Variants in JARID2 observed in about 807,000 individuals in gnomAD.
The protein encoded by JARID2 is jumonji and AT-rich interaction domain containing 2, also known as protein Jumonji.
A neutral mutation model predicts 125.6 loss-of-function variants in JARID2; 21 were observed. The ratio of observed to expected loss-of-function variants is 0.17; its 90% CI spans 0.12 to 0.24. The LOEUF (loss-of-function observed/expected upper bound fraction) is 0.24, where lower values mean the gene tolerates loss of function less well. JARID2 is among the 10% of genes least tolerant of loss of function. The pLI, the probability that JARID2 is intolerant of heterozygous loss-of-function variation, is 1.00. For synonymous variants in JARID2, 736 were observed against 661.6 expected, an observed-to-expected ratio of 1.11 and a Z score of -1.73; for missense variants, 1,303 against 1,639.6, an observed-to-expected ratio of 0.79 and a Z score of 3.55.
chr6:15,356,719 A>G (rs1197561279), intron 1 of JARID2, among the ~76,000 whole-genome samples: 1 of 152,196 alleles, frequency 6.6e-6, no homozygotes, highest in Non-Finnish European at 1.5e-5. Context: ...TTTATGTTAA[A>G]AAGTTTGTTT....
chr6:15,504,624 A>C (rs1272229936), intron 9 of JARID2, 32 bp downstream of exon 9: 11 of 1,436,178 alleles, frequency 7.7e-6, no homozygotes, highest in African/African-American at 2.8e-5. Flanking sequence ...GCTGCCTCTC[A>C]TGGTGTGGGA....
intron 6 of JARID2, among the ~76,000 whole-genome samples, chr6:15,493,438 C>T (rs1046188582): frequency 2.6e-5 from 4 of 152,128 alleles, no homozygotes; most frequent in South Asian, 2.1e-4. Context: ...GGGTTATGTC[C>T]GGCACCATCT....
chr6:15,375,364 C>G (rs1484329524), intron 2 of JARID2, among the ~76,000 whole-genome samples: 1 of 152,196 alleles, frequency 6.6e-6, no homozygotes, highest in Admixed American at 6.5e-5. Flanking sequence ...GGTTTTCTTT[C>G]TTATGGGTGA....
At chr6:15,431,610 A>G (rs1269187748) in intron 3 of JARID2, among the ~76,000 whole-genome samples, 1 of 152,204 alleles carries the variant, frequency 6.6e-6, no homozygotes, top group Non-Finnish European at 1.5e-5. Context: ...GAAGACCAGG[A>G]TATAATTTTA....
intron 1 of JARID2, among the ~76,000 whole-genome samples, chr6:15,264,764 T>C (rs1315589699): frequency 6.6e-6 from 1 of 152,176 alleles, no homozygotes; most frequent in Non-Finnish European, 1.5e-5. Flanking sequence ...ACCTATAACC[T>C]ATACACATAC....
chr6:15,484,551 A>G (rs1169883269), intron 5 of JARID2, among the ~76,000 whole-genome samples: 2 of 152,164 alleles, frequency 1.3e-5, no homozygotes, highest in African/African-American at 2.4e-5. Flanking sequence ...GTGTCTCCCA[A>G]ATACTGTGTA....
intron 1 of JARID2, among the ~76,000 whole-genome samples, chr6:15,304,447 A>G (rs931268027): frequency 6.6e-6 from 1 of 152,040 alleles, no homozygotes; most frequent in African/African-American, 2.4e-5. Context: ...CACCTCTCCC[A>G]GTCCGTCCAA....
At chr6:15,259,645 G>A (rs1248348126) in intron 1 of JARID2, among the ~76,000 whole-genome samples, 1 of 152,214 alleles carries the variant, frequency 6.6e-6, no homozygotes. Context: ...TCTGCACTTA[G>A]GACAGGGGTT....
intron 3 of JARID2, among the ~76,000 whole-genome samples, chr6:15,422,566 T>C (rs1368285975): frequency 6.6e-6 from 1 of 152,174 alleles, no homozygotes; most frequent in African/African-American, 2.4e-5. Context: ...GTGGTCAGGT[T>C]CTTTCCCTGC....
At chr6:15,265,202 C>T (rs960119865) in intron 1 of JARID2, among the ~76,000 whole-genome samples, 1 of 151,988 alleles carries the variant, frequency 6.6e-6, no homozygotes, top group African/African-American at 2.4e-5. Context: ...GGAATGAGAC[C>T]AGTTGGTTGT....
At chr6:15,512,131 T>A in intron 13 of JARID2, 77 bp from the exon 14 acceptor site, 1 of 1,231,742 alleles carries the variant, frequency 8.1e-7, no homozygotes, top group Non-Finnish European at 1.2e-6. Flanking sequence ...CCTCTTAGGG[T>A]GCGCATACGT....
chr6:15,421,526 T>G (rs1204857660), intron 3 of JARID2, among the ~76,000 whole-genome samples: 1 of 152,160 alleles, frequency 6.6e-6, no homozygotes, highest in Non-Finnish European at 1.5e-5. Flanking sequence ...CATTCCATAA[T>G]AAAGCCTGTG....
chr6:15,305,879 T>C (rs1761803878), intron 1 of JARID2, among the ~76,000 whole-genome samples: 1 of 152,252 alleles, frequency 6.6e-6, no homozygotes, highest in African/African-American at 2.4e-5. Context: ...ACTATATCTT[T>C]AGGTATTTGT....
intron 1 of JARID2, among the ~76,000 whole-genome samples, chr6:15,324,054 C>T (rs536080431): frequency 9.9e-5 from 15 of 151,824 alleles, no homozygotes; most frequent in Admixed American, 2.0e-4. Flanking sequence ...TGGTGGCGGG[C>T]GCCTGTAGTC....
chr6:15,495,542 C>T (rs749648574), intron 6 of JARID2, among the ~76,000 whole-genome samples: 4 of 152,218 alleles, frequency 2.6e-5, no homozygotes, highest in African/African-American at 4.8e-5. Context: ...GCCTGCCACC[C>T]GGAGCCAAAC....
chr6:15,274,304 T>A (rs186821130), intron 1 of JARID2, among the ~76,000 whole-genome samples: 35 of 152,312 alleles, frequency 2.3e-4, no homozygotes, highest in African/African-American at 8.2e-4. Context: ...TAGATAGTTT[T>A]GGGGGATGTC....
At chr6:15,446,557 C>T (rs1302144540) in intron 3 of JARID2, among the ~76,000 whole-genome samples, 2 of 152,202 alleles carry the variant, frequency 1.3e-5, no homozygotes, top group Non-Finnish European at 2.9e-5. Flanking sequence ...GCAAGATCCC[C>T]TTGGACCATT....
intron 3 of JARID2, among the ~76,000 whole-genome samples, chr6:15,449,068 A>G (rs926581445): frequency 1.3e-5 from 2 of 152,006 alleles, no homozygotes; most frequent in African/African-American, 4.8e-5. Context: ...AAGCTCTGTG[A>G]TTGTCGGAAT....
chr6:15,268,862 T>C (rs926043024), intron 1 of JARID2, among the ~76,000 whole-genome samples: 6 of 152,142 alleles, frequency 3.9e-5, no homozygotes, highest in African/African-American at 1.4e-4. Flanking sequence ...AAATAAAAAC[T>C]TCAGGATTTT....
Sources: allele counts gnomAD v4.1 joint callset (sites outside exome capture counted in the v4.1 genomes callset), GRCh38; gene constraint gnomAD v4.1.1; transcripts MANE v1.5; gene names NCBI Gene and HGNC (gene_info 2026-07-23, HGNC 2026-07-21).